Variants in FLRT1 observed in about 807,000 individuals in gnomAD.
FLRT1 encodes the protein leucine-rich repeat transmembrane protein FLRT1.
A neutral mutation model predicts 30.9 loss-of-function variants in FLRT1; 14 were observed. That is an observed-to-expected ratio of 0.45 (90% confidence interval 0.30 to 0.71). The LOEUF is 0.71. Among genes scored for constraint, FLRT1 ranks in the 30% least tolerant of loss-of-function variants. FLRT1 has a pLI of 0.08. For synonymous variants in FLRT1, 368 were observed against 430.4 expected, an observed-to-expected ratio of 0.85 and a Z score of 1.80; for missense variants, 737 against 949.2, an observed-to-expected ratio of 0.78 and a Z score of 2.94.
At chr11:64,055,268 G>A (rs1044947371) in intron 1 of FLRT1, among the ~76,000 whole-genome samples, 2 of 152,212 alleles carry the variant, frequency 1.3e-5, no homozygotes, top group African/African-American at 2.4e-5. Flanking sequence ...TGCCTTGAGC[G>A]GGACACCATG....
chr11:64,094,853 T>C (rs571496810), intron 1 of FLRT1, among the ~76,000 whole-genome samples: 1 of 152,322 alleles, frequency 6.6e-6, no homozygotes, highest in African/African-American at 2.4e-5. Flanking sequence ...AGAGGTCACA[T>C]CCAGGTTGGG....
rs566188754 is a variant in FLRT1, at chr11:64,118,203, C to T, written c.1936C>T (p.Leu646Phe). Residue 646 changes from leucine to phenylalanine, a missense_variant, in exon 3 of 3, where the codon CTC (leucine) becomes TTC (phenylalanine). Leu to Phe is a conservative substitution (Grantham distance 22, BLOSUM62 0). Coordinates refer to ENST00000682287, the MANE Select transcript of FLRT1 (RefSeq NM_013280.5). ...TATCTTCCCCTCCAACGGCAGCAGC[C>T]TCTGCAAGGCCACACACACCATTGG... is the stretch of plus-strand genomic sequence containing the variant. Reference protein sequence around the residue: ...HTIFPSNGSSLCKATHTIGYG... With the variant: ...HTIFPSNGSSFCKATHTIGYG... 3.0e-5 allele frequency: 48 copies of T among 1,613,416 alleles called. No homozygotes were observed. The South Asian group carries it at 4.8e-4, about 16-fold the overall frequency.
intron 1 of FLRT1, among the ~76,000 whole-genome samples, chr11:64,062,859 C>T (rs897909096): frequency 1.3e-5 from 2 of 152,208 alleles, no homozygotes; most frequent in South Asian, 2.1e-4. Flanking sequence ...ACCTCCACCC[C>T]GGCCCCGCCT....
In FLRT1 at chr11:64,041,199, T is replaced by TAAAAAA. The variant is rs71045724; in HGVS notation, c.-1038+5065_-1038+5070dup. Reference sequence around the variant, plus strand: ...AGATTACAACAGATTTAGCAAACTGTAAAAAAAAAAAAAAAAAAAAAAAAA... The same window carrying TAAAAAA: ...AGATTACAACAGATTTAGCAAACTGTAAAAAAAAAAAAAAAAAAAAAAAAAAAAAAA... On this transcript the variant is annotated intron_variant, in intron 1 of 2. Coordinates refer to ENST00000682287, the MANE Select transcript of FLRT1 (RefSeq NM_013280.5). Among the ~76,000 whole-genome samples the TAAAAAA allele has an allele frequency of 5.2e-3, 112 of 21,602 alleles. 29 individuals carry two copies. The highest frequency in any genetic ancestry group is 0.015 in the African/African-American group (91 of 6,208). The allele number at this position is 21,602 out of a possible 152,430, so 14.2% of individuals were successfully genotyped here. A position where few individuals can be genotyped will look rare whatever the true frequency, so the allele number is the denominator to read the frequency against.
At position 64,097,924 on chromosome 11, in the gene FLRT1, C is replaced by T. The variant is rs543119569; in HGVS notation, c.-1037-5270C>T. On this transcript the variant is annotated intron_variant, in intron 1 of 2. Transcript: ENST00000682287. ...GCTCCTGGGAGCACTCAGCTGCCCT[C>T]CAGTGAGGAGAAGGAGGCGGGAACC... Among the ~76,000 whole-genome samples the T allele has an allele frequency of 9.9e-5, 15 of 152,252 alleles. No homozygotes were observed. The South Asian group carries it at 3.1e-3, about 32-fold the overall frequency.
chr11:64,108,520 T>G (rs1417082088), intron 2 of FLRT1, among the ~76,000 whole-genome samples: 3 of 152,140 alleles, frequency 2.0e-5, no homozygotes, highest in African/African-American at 7.2e-5. Context: ...TCTGTCTTAT[T>G]TGCAGTTGAG....
In FLRT1 at chr11:64,116,324, G is replaced by A. The variant is rs547325012; in HGVS notation, c.57G>A (p.Thr19=). 879 of 1,609,738 alleles carry A rather than the reference G, an allele frequency of 5.5e-4. 8 individuals carry two copies. In the South Asian group the frequency reaches 9.0e-3, roughly 17 times the overall value. ...TATTTPTATV[T]ATVVMTTATM... ...CCACCACGCCCACTGCCACTGTCACGGCCACCGTTGTGATGACCACGGCCA... is the reference window on the plus strand; with the variant it reads ...CCACCACGCCCACTGCCACTGTCACAGCCACCGTTGTGATGACCACGGCCA... Residue 19 remains threonine (T), a synonymous_variant, in exon 3 of 3, where the codon ACG becomes ACA. Transcript: ENST00000682287.
At chr11:64,058,843 G>T (rs560451980) in intron 1 of FLRT1, among the ~76,000 whole-genome samples, 1 of 151,118 alleles carries the variant, frequency 6.6e-6, no homozygotes, top group South Asian at 2.1e-4. Flanking sequence ...AGCCGGCAAG[G>T]GGGGGTAGGA....
At position 64,090,264 on chromosome 11, in the gene FLRT1, C is replaced by T. The variant is rs576250641; in HGVS notation, c.-1037-12930C>T. Among the ~76,000 whole-genome samples, 4 of 152,252 alleles carry T rather than the reference C, an allele frequency of 2.6e-5. No individual in the cohort carries two copies. The highest frequency in any genetic ancestry group is 1.9e-4 in the East Asian group (1 of 5,172). The stretch of plus-strand genomic sequence containing the variant: ...TGGGTCTCCAGCCTTTGCTCATCCT[C>T]GGGAAATGCATCGTGCGTTGCTTTT... On this transcript the variant is annotated intron_variant, in intron 1 of 2. Coordinates refer to ENST00000682287, the MANE Select transcript of FLRT1 (RefSeq NM_013280.5). The surrounding 1 kb of genome is among the most constrained non-coding windows in gnomAD (Gnocchi z 4.7).
chr11:64,043,814 CTTT>C (rs113497225), intron 1 of FLRT1, among the ~76,000 whole-genome samples: 1 of 144,522 alleles, frequency 6.9e-6, no homozygotes, highest in Non-Finnish European at 1.5e-5. Flanking sequence ...GACATGGCAT[CTTT>C]TTTTTTTTTT....
In FLRT1 at chr11:64,116,247, G is replaced by A. The variant is rs368412412; in HGVS notation, c.-21G>A. The A allele has an allele frequency of 3.7e-5, 58 of 1,582,584 alleles. No homozygotes were observed. The highest frequency in any genetic ancestry group is 1.7e-4 in the Admixed American group (10 of 58,902). Reference sequence around the variant, plus strand: ...TTCAGGCTCCAGGCCAGGTGGGGCCGGACGCCCCCAGCCATCCACCATGGT... The same window carrying A: ...TTCAGGCTCCAGGCCAGGTGGGGCCAGACGCCCCCAGCCATCCACCATGGT... On this transcript the variant is annotated 5_prime_UTR_variant, in exon 3 of 3. Coordinates refer to ENST00000682287, the MANE Select transcript of FLRT1 (RefSeq NM_013280.5).
rs371344980 is a variant in FLRT1 at position 64,065,830 on chromosome 11, CCT to C, written c.-1038+29677_-1038+29678del. Among the ~76,000 whole-genome samples, 202 of 151,866 alleles carry C rather than the reference CCT, an allele frequency of 1.3e-3. 7 individuals carry two copies. In the South Asian group the frequency reaches 0.041, roughly 31 times the overall value. On this transcript the variant is annotated intron_variant, in intron 1 of 2. Transcript: ENST00000682287. ...AAAAAAGATGAACAAGGAGACTCCC[CCT>C]CTCTCCATGCACAGGCAGGCAGGTG...
intron 1 of FLRT1, among the ~76,000 whole-genome samples, chr11:64,085,825 C>A (rs1234470676): frequency 6.6e-6 from 1 of 152,192 alleles, no homozygotes; most frequent in African/African-American, 2.4e-5. Flanking sequence ...ATAACAGCAT[C>A]CCCAGCAGGG....
chr11:64,066,462 T>C (rs960330724), intron 1 of FLRT1, among the ~76,000 whole-genome samples: 3 of 150,238 alleles, frequency 2.0e-5, no homozygotes, highest in African/African-American at 2.5e-5. Context: ...ACAAAAAATT[T>C]TAAAAAATTA....
At chr11:64,078,112 G>A (rs1213784802) in intron 1 of FLRT1, among the ~76,000 whole-genome samples, 3 of 152,172 alleles carry the variant, frequency 2.0e-5, no homozygotes, top group African/African-American at 4.8e-5. Context: ...CTGCCGGCTT[G>A]GGGCTGCAGG....
In FLRT1 at chr11:64,064,734, C is replaced by A. The variant is rs542928261; in HGVS notation, c.-1038+28575C>A. 6.6e-6 allele frequency among the ~76,000 whole-genome samples: 1 copy of A among 151,124 alleles called. No individual in the cohort carries two copies. The highest frequency in any genetic ancestry group is 1.9e-4 in the East Asian group (1 of 5,170). Reference sequence around the variant, plus strand: ...TCCTCTCCCCTCCCTGCCAGCCCCCCAGCAGGCAGCCAGGCCTGGACCCAC... The same window carrying A: ...TCCTCTCCCCTCCCTGCCAGCCCCCAAGCAGGCAGCCAGGCCTGGACCCAC... On this transcript the variant is annotated intron_variant, in intron 1 of 2. Coordinates refer to ENST00000682287, the MANE Select transcript of FLRT1 (RefSeq NM_013280.5). This position sits in a 1 kb window ranked among gnomAD's most constrained non-coding sequence, Gnocchi z 4.5.
At chr11:64,051,040 C>T (rs1042540193) in intron 1 of FLRT1, among the ~76,000 whole-genome samples, 2 of 152,202 alleles carry the variant, frequency 1.3e-5, no homozygotes, top group African/African-American at 2.4e-5. Context: ...TGGTAAATTC[C>T]AAGGATTGAG....
rs771778580 is a variant in FLRT1, at chr11:64,117,690, C to G, written c.1423C>G (p.Pro475Ala). ...CAGTTGGCTGCGCCTGGGCCACAGCCCAGCCGTGGGCTCCATCACGGAGAC... is the reference window on the plus strand; with the variant it reads ...CAGTTGGCTGCGCCTGGGCCACAGCGCAGCCGTGGGCTCCATCACGGAGAC... ...RLSWLRLGHS[P>A]AVGSITETLV... is the part of the protein sequence containing the mutation. Residue 475 changes from proline to alanine, a missense_variant, in exon 3 of 3, where the codon CCA (proline) becomes GCA (alanine). By Grantham distance (27) the Pro-to-Ala change is conservative. Coordinates refer to ENST00000682287, the MANE Select transcript of FLRT1 (RefSeq NM_013280.5). The G allele has an allele frequency of 1.6e-5, 26 of 1,613,504 alleles. No homozygotes were observed. The highest frequency in any genetic ancestry group is 2.1e-5 in the Non-Finnish European group (25 of 1,179,958).
chr11:64,107,488 G>A (rs575442284), intron 2 of FLRT1, among the ~76,000 whole-genome samples: 70 of 152,184 alleles, frequency 4.6e-4, no homozygotes, highest in Non-Finnish European at 7.9e-4. Flanking sequence ...TGGCACCAGC[G>A]CCACCCAGCC....
Sources: allele counts gnomAD v4.1 joint callset (sites outside exome capture counted in the v4.1 genomes callset), GRCh38; gene constraint gnomAD v4.1.1; non-coding constraint Gnocchi (gnomAD v3.1); transcripts MANE v1.5; gene names NCBI Gene and HGNC (gene_info 2026-07-23, HGNC 2026-07-21).